KLF4: variants seen among roughly 807,000 people sequenced by gnomAD.
KLF4 encodes KLF transcription factor 4.
In KLF4, 14 loss-of-function variants were observed where a neutral mutation model predicts 38.0. The ratio of observed to expected loss-of-function variants is 0.37; its 90% CI spans 0.24 to 0.58. The LOEUF is 0.58. KLF4 is among the 20% of genes least tolerant of loss of function. The pLI is 0.76. For synonymous variants in KLF4, 398 were observed against 302.5 expected, an observed-to-expected ratio of 1.32 and a Z score of -3.28; for missense variants, 737 against 670.1, an observed-to-expected ratio of 1.10 and a Z score of -1.10.
chr9:107,488,410 C>T lies in KLF4; in HGVS notation c.127-143G>A. On this transcript the variant is annotated intron_variant, in intron 2 of 4. Coordinates refer to ENST00000374672, the MANE Select transcript of KLF4 (RefSeq NM_004235.6). This position sits in a 1 kb window ranked among gnomAD's most constrained non-coding sequence, Gnocchi z 5.7. Reference sequence around the variant, plus strand: ...AGGAAGCACCCGGGAACCCAGGGCGCCAGCGCTGCAATCTCGGCCCACTCC... The same window carrying T: ...AGGAAGCACCCGGGAACCCAGGGCGTCAGCGCTGCAATCTCGGCCCACTCC... The T allele has an allele frequency of 7.2e-7, 1 of 1,394,444 alleles. No individual in the cohort carries two copies. Among genetic ancestry groups the T allele is most frequent in the East Asian group, 2.5e-5 (1 of 39,736 alleles). The allele number at this position is 1,394,444 out of a possible 1,614,324, so 86.4% of individuals were successfully genotyped here. A position where few individuals can be genotyped will look rare whatever the true frequency, so the allele number is the denominator to read the frequency against.
In KLF4 at chr9:107,488,921, G is replaced by C; in HGVS notation, c.126+9C>G. ...CCGGGCGTTCCCGGCGGCCCGGAGC[G>C]ATACTCACGTTATTCGGGGCACCTG... On this transcript the variant is annotated intron_variant, in intron 2 of 4. Coordinates refer to ENST00000374672, the MANE Select transcript of KLF4 (RefSeq NM_004235.6). This position sits in a 1 kb window ranked among gnomAD's most constrained non-coding sequence, Gnocchi z 5.7. 6.4e-7 allele frequency: 1 copy of C among 1,551,188 alleles called. No homozygotes were observed. The highest frequency in any genetic ancestry group is 8.7e-7 in the Non-Finnish European group (1 of 1,146,844).
At position 107,488,717 on chromosome 9, in the gene KLF4, G is replaced by C. The variant is rs1829135606; in HGVS notation, c.126+213C>G. ...GCGCCCGGGGACTGGTGAAGACCCG[G>C]CTTGCGCCCCAGGCGGCTCCGCAGT... On this transcript the variant is annotated intron_variant, in intron 2 of 4. Coordinates refer to ENST00000374672, the MANE Select transcript of KLF4 (RefSeq NM_004235.6). This position sits in a 1 kb window ranked among gnomAD's most constrained non-coding sequence, Gnocchi z 5.7. 6.6e-6 allele frequency among the ~76,000 whole-genome samples: 1 copy of C among 152,192 alleles called. No homozygotes were observed. Among genetic ancestry groups the C allele is most frequent in the Admixed American group, 6.5e-5 (1 of 15,292 alleles).
Position 107,488,420 on chromosome 9 carries a change from A to C in KLF4, c.127-153T>G. On this transcript the variant is annotated intron_variant, in intron 2 of 4. Coordinates refer to ENST00000374672, the MANE Select transcript of KLF4 (RefSeq NM_004235.6). This position sits in a 1 kb window ranked among gnomAD's most constrained non-coding sequence, Gnocchi z 5.7. ...CGGGAACCCAGGGCGCCAGCGCTGCAATCTCGGCCCACTCCCGGGTCGAAG... is the reference window on the plus strand; with the variant it reads ...CGGGAACCCAGGGCGCCAGCGCTGCCATCTCGGCCCACTCCCGGGTCGAAG... The C allele has an allele frequency of 7.5e-7, 1 of 1,339,566 alleles. No individual in the cohort carries two copies. The highest frequency in any genetic ancestry group is 1.5e-5 in the South Asian group (1 of 65,116). The allele number at this position is 1,339,566 out of a possible 1,614,324, so 83.0% of individuals were successfully genotyped here.
Position 107,488,045 on chromosome 9 carries a change from G to C in KLF4, c.349C>G (p.Pro117Ala), listed in dbSNP as rs1448848715. Residue 117 changes from proline (P) to alanine (A), a missense_variant, in exon 3 of 5, where the codon CCG becomes GCG. Coordinates refer to ENST00000374672, the MANE Select transcript of KLF4 (RefSeq NM_004235.6). This position sits in a 1 kb window ranked among gnomAD's most constrained non-coding sequence, Gnocchi z 5.7. ...GACACGGTGGCGGCCACTGACTCCG[G>C]AGGATGGGTCAGCGAATTGGAGAGA... Reference protein sequence around the residue: ...FILSNSLTHPPESVAATVSSS... With the variant: ...FILSNSLTHPAESVAATVSSS... The C allele has an allele frequency of 1.9e-6, 3 of 1,612,034 alleles. No homozygotes were observed. The African/African-American group carries it at 4.0e-5, about 22-fold the overall frequency.
At position 107,489,153 on chromosome 9, in the gene KLF4, G is replaced by A. The variant is rs1234983403; in HGVS notation, c.5+15C>T. On this transcript the variant is annotated intron_variant, in intron 1 of 4. Transcript: ENST00000374672. ...CTCACCCCTCCCTGCTCCCAGCGCC[G>A]CGCGCCTCACCTACCTCATTAATGT... 1 of 1,533,000 alleles carries A rather than the reference G, an allele frequency of 6.5e-7. No individual in the cohort carries two copies. The highest frequency in any genetic ancestry group is 8.8e-7 in the Non-Finnish European group (1 of 1,136,922). 95.0% of individuals were successfully genotyped at this position (1,533,000 alleles called of 1,614,324 possible). A position where few individuals can be genotyped will look rare whatever the true frequency, so the allele number is the denominator to read the frequency against.
rs1829140360 is a variant in KLF4 at position 107,488,940 on chromosome 9, G to A, written c.116C>T (p.Ala39Val). 6.4e-7 allele frequency: 1 copy of A among 1,556,386 alleles called. No individual in the cohort carries two copies. Among genetic ancestry groups the A allele is most frequent in the Non-Finnish European group, 8.7e-7 (1 of 1,149,678 alleles). Residue 39 changes from alanine (A) to valine (V), a missense_variant, in exon 2 of 5, where the codon GCC becomes GTC. Ala to Val is a moderately conservative substitution (Grantham distance 64). Around this residue, in one of 2 missense-constraint regions of KLF4, gnomAD observed 695 missense variants for 554.5 expected, o/e 1.25. Coordinates refer to ENST00000374672, the MANE Select transcript of KLF4 (RefSeq NM_004235.6). The surrounding 1 kb of genome is among the most constrained non-coding windows in gnomAD (Gnocchi z 5.7). ...GREKTLRQAG[A>V]PNNRWREELS... ...CGGAGCGATACTCACGTTATTCGGG[G>A]CACCTGCTTGACGCAGTGTCTTCTC...
chr9:107,485,678 G>C lies in KLF4; in HGVS notation c.*73C>G, dbSNP rs574605452. The C allele has an allele frequency of 1.4e-6, 2 of 1,412,056 alleles. No homozygotes were observed. The highest frequency in any genetic ancestry group is 2.7e-5 in the Admixed American group (1 of 37,068). The allele number at this position is 1,412,056 out of a possible 1,614,324, so 87.5% of individuals were successfully genotyped here. ...TTCTGGCTGGGCTCCTTCCCTCATCGGGAAGACAGTGTGAAAAGTAAAAAA... is the reference window on the plus strand; with the variant it reads ...TTCTGGCTGGGCTCCTTCCCTCATCCGGAAGACAGTGTGAAAAGTAAAAAA... On this transcript the variant is annotated 3_prime_UTR_variant, in exon 5 of 5. Coordinates refer to ENST00000374672, the MANE Select transcript of KLF4 (RefSeq NM_004235.6). The surrounding 1 kb of genome is among the most constrained non-coding windows in gnomAD (Gnocchi z 4.9).
chr9:107,487,347 TG>T lies in KLF4; in HGVS notation c.1046del (p.Pro349HisfsTer95). ...GFHPHPGPNYPSFLPDQMQPQ... is the reference protein window; with the variant it reads ...GFHPHPGPNYXSFLPDQMQPQ... ...GCTGCATCTGATCGGGCAGGAAGGA[TG>T]GGTAATTGGGCCCCGGGTGGGGATG... On this transcript the variant is annotated frameshift_variant, in exon 3 of 5. Transcript: ENST00000374672. LOFTEE classifies it high-confidence loss of function. This position sits in a 1 kb window ranked among gnomAD's most constrained non-coding sequence, Gnocchi z 6.1. 1 of 1,549,392 alleles carries T rather than the reference TG, an allele frequency of 6.5e-7. No homozygotes were observed. Among genetic ancestry groups the T allele is most frequent in the Non-Finnish European group, 8.7e-7 (1 of 1,148,340 alleles).
Position 107,489,644 on chromosome 9 carries a change from G to C in KLF4, c.-472C>G, listed in dbSNP as rs1461072362. 6.4e-6 allele frequency: 1 copy of C among 155,794 alleles called. No individual in the cohort carries two copies. Among genetic ancestry groups the C allele is most frequent in the African/African-American group, 3.0e-5 (1 of 32,838 alleles). 9.7% of individuals were successfully genotyped at this position (155,794 alleles called of 1,614,324 possible). On this transcript the variant is annotated 5_prime_UTR_variant, in exon 1 of 5. Coordinates refer to ENST00000374672, the MANE Select transcript of KLF4 (RefSeq NM_004235.6). ...ATGGGCGCGGGCCACGGGCGGGTGGGAGGGTGGGGGGCCAGAGGGGCGGGG... is the reference window on the plus strand; with the variant it reads ...ATGGGCGCGGGCCACGGGCGGGTGGCAGGGTGGGGGGCCAGAGGGGCGGGG...
intron 4 of KLF4, among the ~76,000 whole-genome samples, chr9:107,486,134 G>C (rs912097170): frequency 6.6e-6 from 1 of 151,974 alleles, no homozygotes; most frequent in Non-Finnish European, 1.5e-5. Context: ...TGTTTTTAGG[G>C]GGTCAGTTAA....
In KLF4 at chr9:107,487,107, G is replaced by A. The variant is rs758527223; in HGVS notation, c.1185C>T (p.Thr395=). 6.2e-7 allele frequency: 1 copy of A among 1,614,214 alleles called. No individual in the cohort carries two copies. Among genetic ancestry groups the A allele is most frequent in the South Asian group, 1.1e-5 (1 of 91,082 alleles). ...CGCAGCCCGCGTAATCACAAGTGTG[G>A]GTGGCGGTCCTTTTCCGGGGCCACG... ...RRSWPRKRTA[T]HTCDYAGCGK... The change falls in exon 4 of 5, where the codon ACC becomes ACT. Residue 395 remains threonine, a synonymous_variant. Transcript: ENST00000374672. This position sits in a 1 kb window ranked among gnomAD's most constrained non-coding sequence, Gnocchi z 6.1.
rs542820120 is a variant in KLF4 at position 107,489,110 on chromosome 9, C to T, written c.5+58G>A. 5 of 1,548,858 alleles carry T rather than the reference C, an allele frequency of 3.2e-6. No homozygotes were observed. The African/African-American group carries it at 6.8e-5, about 21-fold the overall frequency. ...CAGGGGCGGCTTTCGGCCGTCGTTCCGGCGCGTCCCACCGGTCCTCACCCC... is the reference window on the plus strand; with the variant it reads ...CAGGGGCGGCTTTCGGCCGTCGTTCTGGCGCGTCCCACCGGTCCTCACCCC... On this transcript the variant is annotated intron_variant, in intron 1 of 4. Coordinates refer to ENST00000374672, the MANE Select transcript of KLF4 (RefSeq NM_004235.6).
rs1829113389 is a variant in KLF4, at chr9:107,488,040, C to T, written c.354G>A (p.Glu118=). The T allele has an allele frequency of 6.2e-7, 1 of 1,611,508 alleles. No homozygotes were observed. The highest frequency in any genetic ancestry group is 8.5e-7 in the Non-Finnish European group (1 of 1,179,348). Reference sequence around the variant, plus strand: ...ACGAGGACACGGTGGCGGCCACTGACTCCGGAGGATGGGTCAGCGAATTGG... The same window carrying T: ...ACGAGGACACGGTGGCGGCCACTGATTCCGGAGGATGGGTCAGCGAATTGG... ...ILSNSLTHPP[E]SVAATVSSSA... Residue 118 remains glutamate (E), a synonymous_variant, in exon 3 of 5, where the codon GAG becomes GAA. Transcript: ENST00000374672. The surrounding 1 kb of genome is among the most constrained non-coding windows in gnomAD (Gnocchi z 5.7).
chr9:107,487,235 C>G lies in KLF4; in HGVS notation c.1100-43G>C, dbSNP rs1309829504. On this transcript the variant is annotated intron_variant, in intron 3 of 4. Transcript: ENST00000374672. This position sits in a 1 kb window ranked among gnomAD's most constrained non-coding sequence, Gnocchi z 6.1. ...GGGGTGAGCATCATCCCGTGTGTCCCGAAGTGGGGCCAGCACACACAGGGC... is the reference window on the plus strand; with the variant it reads ...GGGGTGAGCATCATCCCGTGTGTCCGGAAGTGGGGCCAGCACACACAGGGC... 1.2e-6 allele frequency: 2 copies of G among 1,606,798 alleles called. No homozygotes were observed. The highest frequency in any genetic ancestry group is 1.1e-5 in the South Asian group (1 of 89,818).
Position 107,487,496 on chromosome 9 carries a change from G to A in KLF4, c.898C>T (p.Pro300Ser). Residue 300 changes from proline to serine, a missense_variant, in exon 3 of 5, where the codon CCG (proline) becomes TCG (serine). Coordinates refer to ENST00000374672, the MANE Select transcript of KLF4 (RefSeq NM_004235.6). This position sits in a 1 kb window ranked among gnomAD's most constrained non-coding sequence, Gnocchi z 6.1. ...CCCAGGGGGAAGTCGTGTGCAGCCG[G>A]CCGGTGGCCATTGCTGAGAGGGGGT... ...AGPPLSNGHRPAAHDFPLGRQ... is the reference protein window; with the variant it reads ...AGPPLSNGHRSAAHDFPLGRQ... The A allele has an allele frequency of 1.3e-6, 2 of 1,542,460 alleles. No individual in the cohort carries two copies. The highest frequency in any genetic ancestry group is 1.4e-5 in the African/African-American group (1 of 72,892).
At position 107,485,170 on chromosome 9, in the gene KLF4, C is replaced by T. The variant is rs1397421460; in HGVS notation, c.*581G>A. The T allele has an allele frequency of 5.0e-6, 1 of 199,490 alleles. No homozygotes were observed. Among genetic ancestry groups the T allele is most frequent in the Non-Finnish European group, 1.0e-5 (1 of 96,446 alleles). The allele number at this position is 199,490 out of a possible 1,614,324, so 12.4% of individuals were successfully genotyped here. A position where few individuals can be genotyped will look rare whatever the true frequency, so the allele number is the denominator to read the frequency against. On this transcript the variant is annotated 3_prime_UTR_variant, in exon 5 of 5. Coordinates refer to ENST00000374672, the MANE Select transcript of KLF4 (RefSeq NM_004235.6). This position sits in a 1 kb window ranked among gnomAD's most constrained non-coding sequence, Gnocchi z 4.9. ...CCTGACTTAGGTCATAAATGTTGATCGGAAGACAAATATAGATTTTCCTTG... is the reference window on the plus strand; with the variant it reads ...CCTGACTTAGGTCATAAATGTTGATTGGAAGACAAATATAGATTTTCCTTG...
In KLF4 at chr9:107,488,483, G is replaced by T; in HGVS notation, c.127-216C>A. On this transcript the variant is annotated intron_variant, in intron 2 of 4. Coordinates refer to ENST00000374672, the MANE Select transcript of KLF4 (RefSeq NM_004235.6). This position sits in a 1 kb window ranked among gnomAD's most constrained non-coding sequence, Gnocchi z 5.7. Reference sequence around the variant, plus strand: ...GTCTGTATTGCGGGTGTTATGTCCTGTCTGCCCAATTGCGTGTGAGCGAGC... The same window carrying T: ...GTCTGTATTGCGGGTGTTATGTCCTTTCTGCCCAATTGCGTGTGAGCGAGC... 1 of 827,086 alleles carries T rather than the reference G, an allele frequency of 1.2e-6. No individual in the cohort carries two copies. The highest frequency in any genetic ancestry group is 1.8e-6 in the Non-Finnish European group (1 of 551,980). The allele number at this position is 827,086 out of a possible 1,614,324, so 51.2% of individuals were successfully genotyped here.
rs773074447 is a variant in KLF4 at position 107,487,347 on chromosome 9, T to A, written c.1047A>T (p.Pro349=). 2 of 1,549,274 alleles carry A rather than the reference T, an allele frequency of 1.3e-6. No individual in the cohort carries two copies. The highest frequency in any genetic ancestry group is 1.9e-5 in the Admixed American group (1 of 51,560). Residue 349 remains proline, a synonymous_variant, in exon 3 of 5, where the codon CCA becomes CCT. Transcript: ENST00000374672. The surrounding 1 kb of genome is among the most constrained non-coding windows in gnomAD (Gnocchi z 6.1). ...GFHPHPGPNY[P]SFLPDQMQPQ... ...GCTGCATCTGATCGGGCAGGAAGGA[T>A]GGGTAATTGGGCCCCGGGTGGGGAT...
Position 107,487,931 on chromosome 9 carries a change from G to A in KLF4, c.463C>T (p.Arg155Trp), listed in dbSNP as rs781366063. ...GCCACGCCCGGGTCGTTCCCGGCCC[G>A]GATCGGATAGGTGAAGCTGCAGGTG... The part of the protein sequence containing the change: ...PSTCSFTYPI[R>W]AGNDPGVAPG... Residue 155 changes from arginine (R) to tryptophan (W), a missense_variant, in exon 3 of 5, where the codon CGG (arginine) becomes TGG (tryptophan). Arg to Trp is a moderately radical substitution (Grantham distance 101, BLOSUM62 -3). Coordinates refer to ENST00000374672, the MANE Select transcript of KLF4 (RefSeq NM_004235.6). The surrounding 1 kb of genome is among the most constrained non-coding windows in gnomAD (Gnocchi z 6.1). 3.2e-6 allele frequency: 5 copies of A among 1,578,464 alleles called. No individual in the cohort carries two copies. Among genetic ancestry groups the A allele is most frequent in the Non-Finnish European group, 4.3e-6 (5 of 1,162,758 alleles).
Sources: gnomAD v4.1 joint callset for allele counts (sites outside exome capture counted in the v4.1 genomes callset) on GRCh38, gnomAD v4.1.1 for gene constraint, gnomAD v4.1.1 regional missense constraint, Gnocchi (gnomAD v3.1) non-coding constraint, MANE v1.5 for transcripts, NCBI Gene and HGNC (gene_info 2026-07-23, HGNC 2026-07-21) for gene names.